RCN2: variants seen among roughly 807,000 people sequenced by gnomAD.
The protein encoded by RCN2 is reticulocalbin 2.
RCN2 carries 23 observed loss-of-function variants against 37.5 expected under a neutral mutation model. That is an observed-to-expected ratio of 0.61 (90% CI 0.44 to 0.87). RCN2 has a LOEUF of 0.87. Ranked by LOEUF, RCN2 falls within the 40% of genes least tolerant of loss-of-function variation. The pLI is 0.00. For synonymous variants in RCN2, 140 were observed against 144.6 expected, an observed-to-expected ratio of 0.97 and a Z score of 0.23; for missense variants, 381 against 390.4, an observed-to-expected ratio of 0.98 and a Z score of 0.20.
chr15:76,944,512 GC>G (rs2075289360), intron 4 of RCN2, among the ~76,000 whole-genome samples: 1 of 151,602 alleles, frequency 6.6e-6, no homozygotes, highest in African/African-American at 2.4e-5. Context: ...TGTTCTCAGC[GC>G]CCCCTCCCCC....
intron 3 of RCN2, 116 bp from the exon 4 acceptor site, chr15:76,943,642 G>A (rs1347812172): frequency 1.2e-5 from 7 of 607,252 alleles, no homozygotes; most frequent in Non-Finnish European, 2.1e-5. Context: ...TCAAAGGGAC[G>A]ATGTGAAGAT....
At chr15:76,936,328 A>G (rs957769454) in intron 3 of RCN2, among the ~76,000 whole-genome samples, 11 of 149,826 alleles carry the variant, frequency 7.3e-5, no homozygotes, top group Admixed American at 5.3e-4. Flanking sequence ...GAGGTCCCCA[A>G]CCTTTTTGGC....
rs1327225487 is a variant in RCN2 at position 76,950,738 on chromosome 15, G to T, written c.*1516G>T. 1 of 152,158 alleles carries T rather than the reference G, an allele frequency of 6.6e-6. No individual in the cohort carries two copies. The highest frequency in any genetic ancestry group is 6.6e-5 in the Admixed American group (1 of 15,264). 9.4% of individuals were successfully genotyped at this position (152,158 alleles called of 1,614,324 possible). On this transcript the variant is annotated 3_prime_UTR_variant, in exon 7 of 7. Transcript: ENST00000394885. ...CTTTTATTTGTGGGTGAAGAGGTCA[G>T]CTATGCATTCTCTTAATCACTTTCC...
intron 5 of RCN2, 159 bp downstream of exon 5, chr15:76,947,676 A>T: frequency 1.8e-6 from 1 of 557,084 alleles, no homozygotes; most frequent in Non-Finnish European, 3.1e-6. Flanking sequence ...CAACAAATGG[A>T]TTTATAGCTT....
rs1246807330 is a variant in RCN2 at position 76,953,553 on chromosome 15, T to TTATATATATATATA, written c.*4332_*4333insATATATATATATAT. The TTATATATATATATA allele has an allele frequency of 1.3e-5, 1 of 77,528 alleles. No homozygotes were observed. The highest frequency in any genetic ancestry group is 5.6e-5 in the African/African-American group (1 of 17,866). The allele number at this position is 77,528 out of a possible 1,614,324, so 4.8% of individuals were successfully genotyped here. A position where few individuals can be genotyped will look rare whatever the true frequency, so the allele number is the denominator to read the frequency against. On this transcript the variant is annotated 3_prime_UTR_variant, in exon 7 of 7. Coordinates refer to ENST00000394885, the MANE Select transcript of RCN2 (RefSeq NM_002902.3). ...GTGGGATTGCTGGATCATATAGTAA[T>TTATATATATATATA]TCTATATATATATATATATATATAT...
intron 3 of RCN2, among the ~76,000 whole-genome samples, chr15:76,936,737 C>T (rs1292936898): frequency 6.6e-6 from 1 of 152,162 alleles, no homozygotes; most frequent in Non-Finnish European, 1.5e-5. Context: ...CTTAAGCATT[C>T]TCAGATTTTG....
In RCN2 at chr15:76,936,166, AAAGT is replaced by A. The variant is rs556644087; in HGVS notation, c.447+450_447+453del. 3.8e-3 allele frequency among the ~76,000 whole-genome samples: 583 copies of A among 152,152 alleles called. 5 individuals carry two copies. Among genetic ancestry groups the A allele is most frequent in the African/African-American group, 0.012 (494 of 41,450 alleles). Reference sequence around the variant, plus strand: ...CAACTGAGAATCGTAAGTATCCAAAAAAGTAAGTATTAAAAAAAAAAAAACTGTG... The same window carrying A: ...CAACTGAGAATCGTAAGTATCCAAAAAAGTATTAAAAAAAAAAAAACTGTG... On this transcript the variant is annotated intron_variant, in intron 3 of 6. Coordinates refer to ENST00000394885, the MANE Select transcript of RCN2 (RefSeq NM_002902.3).
chr15:76,948,192 C>A, intron 5 of RCN2: 1 of 370,672 alleles, frequency 2.7e-6, no homozygotes, highest in Non-Finnish European at 4.8e-6. Context: ...TGAAAACATC[C>A]AATGATTTTA....
At position 76,952,626 on chromosome 15, in the gene RCN2, GT is replaced by G; in HGVS notation, c.*3411del. Reference sequence around the variant, plus strand: ...TCAGCACCTGGCAAACACCATTCTAGTTTTTTTGTTTGAGATGGAGTCTTGC... The same window carrying G: ...TCAGCACCTGGCAAACACCATTCTAGTTTTTTGTTTGAGATGGAGTCTTGC... On this transcript the variant is annotated 3_prime_UTR_variant, in exon 7 of 7. Coordinates refer to ENST00000394885, the MANE Select transcript of RCN2 (RefSeq NM_002902.3). The G allele has an allele frequency of 1.3e-5, 2 of 152,246 alleles. No individual in the cohort carries two copies. The highest frequency in any genetic ancestry group is 1.5e-5 in the Non-Finnish European group (1 of 68,030). 9.4% of individuals were successfully genotyped at this position (152,246 alleles called of 1,614,324 possible). A position where few individuals can be genotyped will look rare whatever the true frequency, so the allele number is the denominator to read the frequency against.
chr15:76,945,241 C>G (rs1233930563), intron 4 of RCN2, among the ~76,000 whole-genome samples: 1 of 152,180 alleles, frequency 6.6e-6, no homozygotes, highest in Non-Finnish European at 1.5e-5. Flanking sequence ...ACTGTGTTAC[C>G]TTCAGTGCCT....
intron 5 of RCN2, chr15:76,948,164 A>C (rs2075303992): frequency 6.2e-6 from 2 of 322,842 alleles, no homozygotes; most frequent in Non-Finnish European, 5.6e-6. Flanking sequence ...AATAGCAGTT[A>C]ACAAAATTAC....
rs2075338691 is a variant in RCN2, at chr15:76,954,120, C to T, written c.*4898C>T. ...GGTATCTCGTTGTGGCTTTGATTTG[C>T]ATTTCCCTAATGGTCTGTCTCTACA... is the stretch of plus-strand genomic sequence containing the variant. On this transcript the variant is annotated 3_prime_UTR_variant, in exon 7 of 7. Transcript: ENST00000394885. 1 of 148,408 alleles carries T rather than the reference C, an allele frequency of 6.7e-6. No homozygotes were observed. The highest frequency in any genetic ancestry group is 1.5e-5 in the Non-Finnish European group (1 of 67,538). 9.2% of individuals were successfully genotyped at this position (148,408 alleles called of 1,614,324 possible). A position where few individuals can be genotyped will look rare whatever the true frequency, so the allele number is the denominator to read the frequency against.
At chr15:76,935,766 C>G (rs369514299) in intron 3 of RCN2, 44 bp downstream of exon 3, 1 of 1,460,714 alleles carries the variant, frequency 6.8e-7, no homozygotes, top group Non-Finnish European at 9.4e-7. Flanking sequence ...CATGTCAGTT[C>G]ACTTTACCTT....
At chr15:76,932,285 T>C in intron 1 of RCN2, 76 bp from the exon 2 acceptor site, 1 of 1,163,964 alleles carries the variant, frequency 8.6e-7, no homozygotes, top group Non-Finnish European at 1.3e-6. Flanking sequence ...GGTCTTCTAG[T>C]AGCCCTGTTT....
intron 3 of RCN2, 47 bp downstream of exon 3, chr15:76,935,769 T>C (rs1398030930): frequency 6.9e-7 from 1 of 1,440,602 alleles, no homozygotes; most frequent in East Asian, 2.3e-5. Context: ...GTCAGTTCAC[T>C]TTACCTTCCT....
chr15:76,941,804 T>C (rs892932243), intron 3 of RCN2: 7 of 539,142 alleles, frequency 1.3e-5, no homozygotes, highest in Non-Finnish European at 2.1e-5. Flanking sequence ...AAAGAGATCC[T>C]TTCTTTCCAT....
At chr15:76,938,187 CTTCTGTTTCT>C (rs2075261097) in intron 3 of RCN2, among the ~76,000 whole-genome samples, 1 of 152,128 alleles carries the variant, frequency 6.6e-6, no homozygotes, top group Non-Finnish European at 1.5e-5. Flanking sequence ...ATTCAAGGCT[CTTCTGTTTCT>C]TAACTTATCC....
intron 3 of RCN2, among the ~76,000 whole-genome samples, chr15:76,940,858 A>G (rs911011090): frequency 6.6e-6 from 1 of 151,280 alleles, no homozygotes; most frequent in African/African-American, 2.4e-5. Context: ...CACCATGCCC[A>G]GTCTGAATTT....
chr15:76,932,173 C>CCT (rs2075226334), intron 1 of RCN2, among the ~76,000 whole-genome samples, 188 bp downstream of exon 1: 1 of 152,080 alleles, frequency 6.6e-6, no homozygotes, highest in Non-Finnish European at 1.5e-5. Flanking sequence ...ATAGCACGGC[C>CCT]CAAGAGCTGG....
Sources: gnomAD v4.1 joint callset for allele counts (sites outside exome capture counted in the v4.1 genomes callset) on GRCh38, gnomAD v4.1.1 for gene constraint, MANE v1.5 for transcripts, NCBI Gene and HGNC (gene_info 2026-07-23, HGNC 2026-07-21) for gene names.